Variants in MMRN1 observed in about 807,000 individuals in gnomAD.
MMRN1 encodes the protein multimerin-1.
In MMRN1, 94 loss-of-function variants were observed where a neutral mutation model predicts 100.7. The ratio of observed to expected loss-of-function variants is 0.93; its 90% CI spans 0.79 to 1.11. MMRN1 has a LOEUF of 1.11. Among genes scored for constraint, MMRN1 ranks in the 50% least tolerant of loss-of-function variants. MMRN1 has a pLI of 0.00. For synonymous variants in MMRN1, 575 were observed against 505.0 expected (o/e 1.14, Z -1.86); for missense variants, 1,606 against 1,439.1 (o/e 1.12, Z -1.88).
At chr4:89,908,723 A>G (rs1359303375) in intron 1 of MMRN1, among the ~76,000 whole-genome samples, 2 of 151,510 alleles carry the variant, frequency 1.3e-5, no homozygotes, top group African/African-American at 4.8e-5. Context: ...TTAGTATTGT[A>G]TTAACTCATA....
chr4:89,915,091 G>C (rs1298384091), intron 3 of MMRN1, among the ~76,000 whole-genome samples: 1 of 151,432 alleles, frequency 6.6e-6, no homozygotes, highest in East Asian at 1.9e-4. Context: ...AAAAATATTT[G>C]GTTTTACAAA....
intron 1 of MMRN1, among the ~76,000 whole-genome samples, chr4:89,888,936 C>G (rs1720992910): frequency 2.0e-5 from 3 of 152,028 alleles, no homozygotes; most frequent in Middle Eastern, 6.8e-3. Flanking sequence ...TAGGGTTTCT[C>G]TCTTGACCAT....
chr4:89,900,857 C>T (rs1290842536), intron 1 of MMRN1, among the ~76,000 whole-genome samples: 1 of 151,952 alleles, frequency 6.6e-6, no homozygotes, highest in Non-Finnish European at 1.5e-5. Context: ...CGGAGAATCT[C>T]TAATATTTGA....
At chr4:89,920,385 T>C (rs927014464) in intron 3 of MMRN1, among the ~76,000 whole-genome samples, 1 of 152,160 alleles carries the variant, frequency 6.6e-6, no homozygotes, top group Non-Finnish European at 1.5e-5. Flanking sequence ...TAGATTTGAT[T>C]GCTGTGAAGG....
chr4:89,914,087 C>T (rs995911302), intron 3 of MMRN1, among the ~76,000 whole-genome samples: 1 of 151,248 alleles, frequency 6.6e-6, no homozygotes, highest in African/African-American at 2.4e-5. Context: ...TCCTTTGTCC[C>T]TTGAACCTTC....
rs749635643 is a variant in MMRN1 at position 89,953,213 on chromosome 4, T to C, written c.3482T>C (p.Phe1161Ser). Reference sequence around the variant, plus strand: ...TCATTTAGTGCTCATATTTCTGGATTTTTAGTGGTTGATGGAATAGACAAG... The same window carrying C: ...TCATTTAGTGCTCATATTTCTGGATCTTTAGTGGTTGATGGAATAGACAAG... ...IESFSAHISG[F>S]LVVDGIDKLA... Residue 1161 changes from phenylalanine (F) to serine (S), a missense_variant, in exon 8 of 8, where the codon TTT becomes TCT. By Grantham distance (155) the Phe-to-Ser change is radical. Transcript: ENST00000264790. The C allele has an allele frequency of 2.5e-5, 41 of 1,613,728 alleles. No homozygotes were observed. The highest frequency in any genetic ancestry group is 3.2e-5 in the Non-Finnish European group (38 of 1,179,850).
chr4:89,915,297 T>C (rs1256327984), intron 3 of MMRN1, among the ~76,000 whole-genome samples: 1 of 151,604 alleles, frequency 6.6e-6, no homozygotes, highest in Non-Finnish European at 1.5e-5. Flanking sequence ...AAAATTATGA[T>C]GCATTTAGTG....
chr4:89,952,622 C>G (rs1274270189), intron 7 of MMRN1, among the ~76,000 whole-genome samples: 1 of 152,186 alleles, frequency 6.6e-6, no homozygotes, highest in Admixed American at 6.6e-5. Context: ...GCTTCAATTC[C>G]TGCAAGGGGC....
intron 6 of MMRN1, among the ~76,000 whole-genome samples, chr4:89,950,975 G>A (rs1723147976): frequency 6.6e-6 from 1 of 151,800 alleles, no homozygotes. Flanking sequence ...ATTAAACTTT[G>A]AAAATGGTGG....
rs189239190 is a variant in MMRN1, at chr4:89,939,187, G to A, written c.3118+2389G>A. ...GGGGTGGGACACACTGTTTAAATTT[G>A]GCTGTTTCATTTCACCTTTGATATT... On this transcript the variant is annotated intron_variant, in intron 6 of 7. Coordinates refer to ENST00000264790, the MANE Select transcript of MMRN1 (RefSeq NM_007351.3). Among the ~76,000 whole-genome samples the A allele has an allele frequency of 2.6e-5, 4 of 152,092 alleles. No homozygotes were observed. The East Asian group carries it at 7.7e-4, about 29-fold the overall frequency.
intron 6 of MMRN1, among the ~76,000 whole-genome samples, chr4:89,945,251 G>T (rs2110649741): frequency 6.6e-6 from 1 of 152,196 alleles, no homozygotes. Context: ...CCAGTTGAAG[G>T]ATCTTTTTTT....
intron 1 of MMRN1, among the ~76,000 whole-genome samples, chr4:89,896,845 T>C (rs1721220965): frequency 6.6e-6 from 1 of 152,198 alleles, no homozygotes; most frequent in Non-Finnish European, 1.5e-5. Context: ...TTTTTCGAAA[T>C]ATATAAGTAA....
At chr4:89,924,393 A>T (rs1023721484) in intron 4 of MMRN1, among the ~76,000 whole-genome samples, 2 of 152,124 alleles carry the variant, frequency 1.3e-5, no homozygotes, top group African/African-American at 4.8e-5. Context: ...AAATTTCTAC[A>T]CTTAGTCTTA....
Position 89,895,126 on chromosome 4 carries a change from T to C in MMRN1, c.155T>C (p.Leu52Ser). The change falls in exon 1 of 8, where the codon TTG (leucine) becomes TCG (serine). Residue 52 changes from leucine (L) to serine (S), a missense_variant. Transcript: ENST00000264790. ...ASVPPNKIQS[L>S]QILPTTRVMS... ...GTTCCTCCAAATAAAATACAAAGTT[T>C]GCAAATACTGCCAACCACTCGGGTC... 1 of 1,613,820 alleles carries C rather than the reference T, an allele frequency of 6.2e-7. No homozygotes were observed. Among genetic ancestry groups the C allele is most frequent in the Non-Finnish European group, 8.5e-7 (1 of 1,179,896 alleles).
At chr4:89,932,241 G>C (rs1578492149) in intron 5 of MMRN1, among the ~76,000 whole-genome samples, 1 of 152,150 alleles carries the variant, frequency 6.6e-6, no homozygotes, top group Admixed American at 6.5e-5. Context: ...TCACATCCAG[G>C]TCACACTGAT....
intron 4 of MMRN1, among the ~76,000 whole-genome samples, 163 bp downstream of exon 4, chr4:89,923,435 G>T (rs936426130): frequency 1.3e-5 from 2 of 152,228 alleles, no homozygotes; most frequent in Non-Finnish European, 2.9e-5. Flanking sequence ...AGAAATTGTG[G>T]ATAAGCTATA....
At chr4:89,882,484 T>C (rs6848022) in intron 1 of MMRN1, among the ~76,000 whole-genome samples, 27,024 of 151,692 alleles carry the variant, frequency 0.18, 4,164 homozygotes, top group African/African-American at 0.42. Flanking sequence ...AAATTTTAGT[T>C]GAACACTTTT....
intron 1 of MMRN1, among the ~76,000 whole-genome samples, chr4:89,907,918 A>T (rs1721622023): frequency 6.7e-6 from 1 of 148,700 alleles, no homozygotes; most frequent in Admixed American, 6.8e-5. Flanking sequence ...TCTGCTTTTC[A>T]TGCTGGGCAT....
intron 4 of MMRN1, among the ~76,000 whole-genome samples, chr4:89,924,047 A>C (rs1722170870): frequency 6.6e-6 from 1 of 152,212 alleles, no homozygotes; most frequent in African/African-American, 2.4e-5. Context: ...GTAAAGGGAT[A>C]GACAGTATTA....
Sources: gnomAD v4.1 joint callset for allele counts (sites outside exome capture counted in the v4.1 genomes callset) on GRCh38, gnomAD v4.1.1 for gene constraint, MANE v1.5 for transcripts, NCBI Gene and HGNC (gene_info 2026-07-23, HGNC 2026-07-21) for gene names.